STAM: variants seen among roughly 807,000 people sequenced by gnomAD.
STAM encodes the protein signal transducing adapter molecule 1.
STAM carries 16 observed loss-of-function variants against 63.4 expected under a neutral mutation model. The ratio of observed to expected loss-of-function variants is 0.25; its 90% CI spans 0.17 to 0.38. The LOEUF (loss-of-function observed/expected upper bound fraction) is 0.38, where lower values mean the gene tolerates loss of function less well. Ranked by LOEUF, STAM falls within the 10% of genes least tolerant of loss-of-function variation. The probability of loss-of-function intolerance (pLI) is 1.00; values close to 1 mark genes in which losing one functional copy is unlikely to be tolerated. For synonymous variants in STAM, 238 were observed against 223.9 expected (o/e 1.06, Z -0.56); for missense variants, 636 against 657.1 (o/e 0.97, Z 0.35).
At chr10:17,654,368 GC>G (rs1298272408) in intron 1 of STAM, among the ~76,000 whole-genome samples, 3 of 151,794 alleles carry the variant, frequency 2.0e-5, no homozygotes, top group African/African-American at 4.8e-5. Context: ...GACTACATGC[GC>G]CCACCACCAA....
intron 2 of STAM, among the ~76,000 whole-genome samples, chr10:17,665,601 T>C (rs1834344401): frequency 6.6e-6 from 1 of 152,082 alleles, no homozygotes; most frequent in South Asian, 2.1e-4. Context: ...TCTATTAGTA[T>C]TGGACAAATT....
At chr10:17,666,108 A>G (rs1834364808) in intron 2 of STAM, among the ~76,000 whole-genome samples, 1 of 152,228 alleles carries the variant, frequency 6.6e-6, no homozygotes, top group Non-Finnish European at 1.5e-5. Context: ...TTCAATAACA[A>G]GTTAAAATTA....
intron 8 of STAM, among the ~76,000 whole-genome samples, chr10:17,699,343 C>T (rs1227000238): frequency 6.6e-6 from 1 of 152,120 alleles, no homozygotes; most frequent in Non-Finnish European, 1.5e-5. Context: ...GTCTTCCTTT[C>T]CATCATGATT....
At chr10:17,696,687 A>G (rs539993114) in intron 7 of STAM, 88 bp from the exon 8 acceptor site, 78 of 877,084 alleles carry the variant, frequency 8.9e-5, no homozygotes, top group Admixed American at 2.3e-4. Context: ...AAATTTTGTA[A>G]TAGTGTAAGT....
At chr10:17,706,369 C>CTTT (rs59585445) in intron 12 of STAM, among the ~76,000 whole-genome samples, 6,437 of 70,198 alleles carry the variant, frequency 0.092, 1,505 homozygotes, top group Non-Finnish European at 0.11. Context: ...GGTTGAGGCC[C>CTTT]TTTTTTTTTT....
Position 17,714,716 on chromosome 10 carries a change from A to G in STAM, c.1559A>G (p.Gln520Arg). 1 of 1,614,124 alleles carries G rather than the reference A, an allele frequency of 6.2e-7. No individual in the cohort carries two copies. ...NYNLTSSTLP[Q>R]PGGSQQPPQP... is the part of the protein sequence containing the mutation. ...AACTTAACATCATCAACTCTGCCTC[A>G]GCCCGGAGGCAGCCAACAGCCACCT... is the stretch of plus-strand genomic sequence containing the variant. The change falls in exon 14 of 14, where the codon CAG becomes CGG. Residue 520 changes from glutamine (Q) to arginine (R), a missense_variant. Physicochemically the swap from Gln to Arg is conservative, Grantham distance 43 (BLOSUM62 1). This residue lies in a region of STAM where 532 missense variants were observed against 536.9 expected (regional missense o/e 0.99). Transcript: ENST00000377524.
At chr10:17,707,142 G>C (rs1372607235) in intron 12 of STAM, among the ~76,000 whole-genome samples, 2 of 152,110 alleles carry the variant, frequency 1.3e-5, no homozygotes, top group Non-Finnish European at 2.9e-5. Flanking sequence ...GGGTGCGGTG[G>C]CTCATACCTG....
chr10:17,673,783 A>C (rs1554824349), intron 2 of STAM, among the ~76,000 whole-genome samples: 1 of 152,260 alleles, frequency 6.6e-6, no homozygotes. Flanking sequence ...TTCTCAGCAC[A>C]GCATCTAACA....
At chr10:17,677,354 A>G (rs1834898419) in intron 2 of STAM, among the ~76,000 whole-genome samples, 1 of 152,236 alleles carries the variant, frequency 6.6e-6, no homozygotes, top group African/African-American at 2.4e-5. Flanking sequence ...CATTTGGTAA[A>G]GAAAGTATAC....
chr10:17,665,677 C>A (rs1834346927), intron 2 of STAM, among the ~76,000 whole-genome samples: 1 of 151,804 alleles, frequency 6.6e-6, no homozygotes, highest in Non-Finnish European at 1.5e-5. Flanking sequence ...AACACATATA[C>A]ATAATTACTG....
At chr10:17,671,214 C>T (rs144291199) in intron 2 of STAM, among the ~76,000 whole-genome samples, 35 of 152,276 alleles carry the variant, frequency 2.3e-4, no homozygotes, top group African/African-American at 7.7e-4. Context: ...TATAGACGTA[C>T]ATATGTCCTT....
At chr10:17,697,254 A>G (rs1305589023) in intron 8 of STAM, among the ~76,000 whole-genome samples, 1 of 152,166 alleles carries the variant, frequency 6.6e-6, no homozygotes, top group Non-Finnish European at 1.5e-5. Flanking sequence ...ATATGTATCT[A>G]TGTAGAGGTC....
At chr10:17,685,811 C>T (rs1835270922) in intron 4 of STAM, among the ~76,000 whole-genome samples, 2 of 152,202 alleles carry the variant, frequency 1.3e-5, no homozygotes, top group African/African-American at 2.4e-5. Flanking sequence ...CAACTGCCCA[C>T]TCAACTGTAG....
Position 17,714,702 on chromosome 10 carries a change from A to G in STAM, c.1545A>G (p.Ser515=). 6.2e-7 allele frequency: 1 copy of G among 1,614,006 alleles called. No individual in the cohort carries two copies. The highest frequency in any genetic ancestry group is 8.5e-7 in the Non-Finnish European group (1 of 1,180,004). The part of the protein sequence containing the change: ...MPQVPNYNLT[S]STLPQPGGSQ... ...AGGTGCCAAACTATAACTTAACATC[A>G]TCAACTCTGCCTCAGCCCGGAGGCA... is the stretch of plus-strand genomic sequence containing the variant. The change falls in exon 14 of 14, where the codon TCA becomes TCG. Residue 515 remains serine, a synonymous_variant. Transcript: ENST00000377524.
chr10:17,647,195 T>G (rs1422250485), intron 1 of STAM, among the ~76,000 whole-genome samples: 1 of 152,242 alleles, frequency 6.6e-6, no homozygotes, highest in Admixed American at 6.5e-5. Context: ...GAATCTCATT[T>G]TGGACATTAT....
At chr10:17,691,647 A>C (rs1409033439) in intron 5 of STAM, among the ~76,000 whole-genome samples, 3 of 152,178 alleles carry the variant, frequency 2.0e-5, no homozygotes, top group Non-Finnish European at 1.5e-5. Context: ...ACATTGATTG[A>C]TTGCTTGTAA....
intron 2 of STAM, among the ~76,000 whole-genome samples, chr10:17,676,757 G>A (rs1037997433): frequency 6.6e-6 from 1 of 152,106 alleles, no homozygotes; most frequent in East Asian, 1.9e-4. Context: ...CACCATGCTT[G>A]TAATCAACTT....
intron 6 of STAM, 143 bp downstream of exon 6, chr10:17,693,455 T>C: frequency 1.7e-6 from 1 of 605,292 alleles, no homozygotes; most frequent in Non-Finnish European, 2.7e-6. Context: ...TGCTTTACTC[T>C]TGAGAGGCAA....
intron 9 of STAM, among the ~76,000 whole-genome samples, chr10:17,703,881 C>T (rs1289864327): frequency 6.6e-6 from 1 of 152,168 alleles, no homozygotes; most frequent in African/African-American, 2.4e-5. Context: ...GCTGTATTCA[C>T]CATGGGCAAG....
Sources: allele counts gnomAD v4.1 joint callset (sites outside exome capture counted in the v4.1 genomes callset), GRCh38; gene constraint gnomAD v4.1.1; regional missense constraint gnomAD v4.1.1; transcripts MANE v1.5; gene names NCBI Gene and HGNC (gene_info 2026-07-23, HGNC 2026-07-21).